MAPK8IP1: variants seen among roughly 807,000 people sequenced by gnomAD.
The protein encoded by MAPK8IP1 is mitogen-activated protein kinase 8 interacting protein 1, also known as C-Jun-amino-terminal kinase-interacting protein 1.
A neutral mutation model predicts 72.6 loss-of-function variants in MAPK8IP1; 17 were observed. The ratio of observed to expected loss-of-function variants is 0.23; its 90% CI spans 0.16 to 0.35. The LOEUF is 0.35. Ranked by LOEUF, MAPK8IP1 falls within the 10% of genes least tolerant of loss-of-function variation. The pLI, the probability that MAPK8IP1 is intolerant of heterozygous loss-of-function variation, is 1.00. For missense variants in MAPK8IP1, 789 were observed against 1,009.7 expected (o/e 0.78, Z 2.96); for synonymous variants, 401 against 443.4 (o/e 0.90, Z 1.20).
Position 45,902,454 on chromosome 11 carries a change from A to C in MAPK8IP1, c.687A>C (p.Arg229=), listed in dbSNP as rs1022027589. The change falls in exon 5 of 12, where the codon CGA becomes CGC. Residue 229 remains arginine (R), a synonymous_variant. Coordinates refer to ENST00000241014, the MANE Select transcript of MAPK8IP1 (RefSeq NM_005456.4). The surrounding 1 kb of genome is among the most constrained non-coding windows in gnomAD (Gnocchi z 9.3). The part of the protein sequence containing the change: ...PQSGPAPTTD[R]GTSTDSPCRR... ...GCGGCCCCGCCCCCACCACAGATCG[A>C]GGCACCTCCACCGACAGCCCTTGCC... The C allele has an allele frequency of 1.9e-6, 3 of 1,598,830 alleles. No homozygotes were observed. The African/African-American group carries it at 4.0e-5, about 21-fold the overall frequency.
chr11:45,885,850 A>AG lies in MAPK8IP1; in HGVS notation c.37dup (p.Ala13GlyfsTer26), dbSNP rs1565068597. On this transcript the variant is annotated frameshift_variant, in exon 1 of 12. Transcript: ENST00000241014. LOFTEE classifies it high-confidence loss of function. ...CGGAGCGAGAAAGCGGCGGCCTGGGAGGGGGGGCCGCGTCCCCGCCCGCCG... is the reference window on the plus strand; with the variant it reads ...CGGAGCGAGAAAGCGGCGGCCTGGGAGGGGGGGGCCGCGTCCCCGCCCGCCG... 6.9e-6 allele frequency: 10 copies of AG among 1,446,716 alleles called. No homozygotes were observed. Among genetic ancestry groups the AG allele is most frequent in the South Asian group, 2.7e-5 (2 of 72,890 alleles). 89.6% of individuals were successfully genotyped at this position (1,446,716 alleles called of 1,614,324 possible).
intron 2 of MAPK8IP1, among the ~76,000 whole-genome samples, chr11:45,899,557 G>C (rs2086633461): frequency 6.6e-6 from 1 of 152,202 alleles, no homozygotes; most frequent in South Asian, 2.1e-4. Flanking sequence ...GGCTCGTGGA[G>C]GACCGATCTA....
chr11:45,899,047 T>C (rs1248869716), intron 2 of MAPK8IP1, among the ~76,000 whole-genome samples: 1 of 152,148 alleles, frequency 6.6e-6, no homozygotes, highest in African/African-American at 2.4e-5. Flanking sequence ...AGGGAGTACC[T>C]GTCTCTGTGT....
Position 45,902,971 on chromosome 11 carries a change from G to A in MAPK8IP1, c.1204G>A (p.Asp402Asn), listed in dbSNP as rs201646781. Residue 402 changes from aspartate to asparagine, a missense_variant, in exon 5 of 12, where the codon GAC becomes AAC. Physicochemically the swap from Asp to Asn is conservative, Grantham distance 23. Around this residue, in one of 4 missense-constraint regions of MAPK8IP1, gnomAD observed 377 missense variants for 411.7 expected, o/e 0.92. Transcript: ENST00000241014. This position sits in a 1 kb window ranked among gnomAD's most constrained non-coding sequence, Gnocchi z 9.3. ...GGTGAGCCTGCGGCCGTGCTTCGGA[G>A]ACTACAGTGACGAGAGTGACTCTGC... Reference protein sequence around the residue: ...ELVSLRPCFGDYSDESDSATV... With the variant: ...ELVSLRPCFGNYSDESDSATV... 81 of 1,611,856 alleles carry A rather than the reference G, an allele frequency of 5.0e-5. No homozygotes were observed. The highest frequency in any genetic ancestry group is 6.3e-5 in the Non-Finnish European group (74 of 1,179,868).
intron 1 of MAPK8IP1, among the ~76,000 whole-genome samples, chr11:45,886,956 G>A (rs1036391423): frequency 1.3e-5 from 2 of 152,140 alleles, no homozygotes; most frequent in Non-Finnish European, 2.9e-5. Context: ...AGACCCCTGG[G>A]GATCTCTAAT....
chr11:45,887,982 G>A (rs2086540509), intron 1 of MAPK8IP1, among the ~76,000 whole-genome samples: 1 of 152,220 alleles, frequency 6.6e-6, no homozygotes, highest in Non-Finnish European at 1.5e-5. Flanking sequence ...AACTGGCCTG[G>A]GTTTGAATCC....
At chr11:45,901,787 G>T (rs554807851) in intron 3 of MAPK8IP1, 193 bp from the exon 4 acceptor site, 10 of 714,216 alleles carry the variant, frequency 1.4e-5, no homozygotes, top group Non-Finnish European at 2.6e-5. Context: ...ATCCAGAGCC[G>T]GCAAGCCTGG....
intron 1 of MAPK8IP1, among the ~76,000 whole-genome samples, chr11:45,894,412 G>T (rs1026304427): frequency 6.7e-6 from 1 of 148,354 alleles, no homozygotes; most frequent in Non-Finnish European, 1.5e-5. Context: ...TAGAGCCAGG[G>T]ATCAGGCATA....
At position 45,902,952 on chromosome 11, in the gene MAPK8IP1, C is replaced by G; in HGVS notation, c.1185C>G (p.Ser395Arg). The G allele has an allele frequency of 6.2e-7, 1 of 1,611,956 alleles. No homozygotes were observed. Among genetic ancestry groups the G allele is most frequent in the Non-Finnish European group, 8.5e-7 (1 of 1,179,798 alleles). The change falls in exon 5 of 12, where the codon AGC (serine) becomes AGG (arginine). Residue 395 changes from serine (S) to arginine (R), a missense_variant. Coordinates refer to ENST00000241014, the MANE Select transcript of MAPK8IP1 (RefSeq NM_005456.4). The surrounding 1 kb of genome is among the most constrained non-coding windows in gnomAD (Gnocchi z 9.3). ...VDEHAQLELV[S>R]LRPCFGDYSD... ...AGCATGCACAGCTGGAGCTGGTGAG[C>G]CTGCGGCCGTGCTTCGGAGACTACA...
intron 1 of MAPK8IP1, among the ~76,000 whole-genome samples, chr11:45,891,607 G>A (rs1048658960): frequency 2.0e-5 from 3 of 152,216 alleles, no homozygotes; most frequent in Non-Finnish European, 4.4e-5. Context: ...ATGAAAGTCT[G>A]TGAAGGACAG....
Position 45,900,925 on chromosome 11 carries a change from C to CA in MAPK8IP1, c.522+474dup, listed in dbSNP as rs1324432340. ...GTGGGGATGGGAAGCTCAGGGGCCA[C>CA]AGCCAGTTTAAGATCTGGGCAGCTG... On this transcript the variant is annotated intron_variant, in intron 3 of 11. Coordinates refer to ENST00000241014, the MANE Select transcript of MAPK8IP1 (RefSeq NM_005456.4). The surrounding 1 kb of genome is among the most constrained non-coding windows in gnomAD (Gnocchi z 6.5). Among the ~76,000 whole-genome samples, 2 of 152,008 alleles carry CA rather than the reference C, an allele frequency of 1.3e-5. No individual in the cohort carries two copies. Among genetic ancestry groups the CA allele is most frequent in the Non-Finnish European group, 2.9e-5 (2 of 68,004 alleles).
intron 11 of MAPK8IP1, 102 bp downstream of exon 11, chr11:45,905,351 G>A (rs550354217): frequency 6.2e-6 from 7 of 1,136,982 alleles, no homozygotes; most frequent in Admixed American, 5.8e-5. Flanking sequence ...GGTTTCCCCC[G>A]CAGCTCTGGA....
In MAPK8IP1 at chr11:45,903,310, C is replaced by A. The variant is rs370900142; in HGVS notation, c.1418-55C>A. The A allele has an allele frequency of 3.5e-5, 56 of 1,600,284 alleles. No homozygotes were observed. In the East Asian group the frequency reaches 8.5e-4, roughly 24 times the overall value. On this transcript the variant is annotated intron_variant, in intron 5 of 11. Transcript: ENST00000241014. This position sits in a 1 kb window ranked among gnomAD's most constrained non-coding sequence, Gnocchi z 6.4. ...AGGACTGAGGCTTCTACCTGCCCCG[C>A]TAAACCTGGATCAGAGCTGCGACCC...
In MAPK8IP1 at chr11:45,903,300, A is replaced by G; in HGVS notation, c.1418-65A>G. 6.3e-7 allele frequency: 1 copy of G among 1,592,280 alleles called. No homozygotes were observed. The highest frequency in any genetic ancestry group is 8.6e-7 in the Non-Finnish European group (1 of 1,163,676). On this transcript the variant is annotated intron_variant, in intron 5 of 11. Coordinates refer to ENST00000241014, the MANE Select transcript of MAPK8IP1 (RefSeq NM_005456.4). The surrounding 1 kb of genome is among the most constrained non-coding windows in gnomAD (Gnocchi z 6.4). ...CCATCTGGTTAGGACTGAGGCTTCT[A>G]CCTGCCCCGCTAAACCTGGATCAGA...
intron 1 of MAPK8IP1, among the ~76,000 whole-genome samples, chr11:45,892,490 C>A (rs1205927116): frequency 6.6e-6 from 1 of 150,970 alleles, no homozygotes; most frequent in Non-Finnish European, 1.5e-5. Context: ...GGGAGGCCAC[C>A]GCGGGCCGCA....
At position 45,900,254 on chromosome 11, in the gene MAPK8IP1, C is replaced by A; in HGVS notation, c.324C>A (p.Asp108Glu). Residue 108 changes from aspartate (D) to glutamate (E), a missense_variant, in exon 3 of 12, where the codon GAC becomes GAA. By Grantham distance (45) the Asp-to-Glu change is conservative. Transcript: ENST00000241014. This position sits in a 1 kb window ranked among gnomAD's most constrained non-coding sequence, Gnocchi z 6.5. Reference sequence around the variant, plus strand: ...CGGGGGACACTCCCGGGGCCGAGGACGACGAGGAGGACGACGACGAGGAGC... The same window carrying A: ...CGGGGGACACTCCCGGGGCCGAGGAAGACGAGGAGGACGACGACGAGGAGC... Reference protein sequence around the residue: ...DATGDTPGAEDDEEDDDEERA... With the variant: ...DATGDTPGAEEDEEDDDEERA... 6 of 1,332,626 alleles carry A rather than the reference C, an allele frequency of 4.5e-6. No homozygotes were observed. Among genetic ancestry groups the A allele is most frequent in the Non-Finnish European group, 5.7e-6 (6 of 1,047,980 alleles). 82.6% of individuals were successfully genotyped at this position (1,332,626 alleles called of 1,614,324 possible).
chr11:45,905,090 C>T, intron 10 of MAPK8IP1, 49 bp downstream of exon 10: 1 of 1,612,402 alleles, frequency 6.2e-7, no homozygotes, highest in Non-Finnish European at 8.5e-7. Flanking sequence ...GGTCTGCAGC[C>T]TTGAGGTGGG....
In MAPK8IP1 at chr11:45,900,498, T is replaced by C; in HGVS notation, c.522+46T>C. ...GCGGCGCCCTGGGCCGCCGCGGAGA[T>C]GTGAGGGGGAGCGCAGAGGGGCTGC... On this transcript the variant is annotated intron_variant, in intron 3 of 11. Transcript: ENST00000241014. The surrounding 1 kb of genome is among the most constrained non-coding windows in gnomAD (Gnocchi z 6.5). The C allele has an allele frequency of 6.6e-7, 1 of 1,522,698 alleles. No individual in the cohort carries two copies. Among genetic ancestry groups the C allele is most frequent in the South Asian group, 1.2e-5 (1 of 83,098 alleles). The allele number at this position is 1,522,698 out of a possible 1,614,324, so 94.3% of individuals were successfully genotyped here.
intron 1 of MAPK8IP1, 97 bp downstream of exon 1, chr11:45,886,018 G>A (rs2134662179): frequency 1.4e-6 from 1 of 713,946 alleles, no homozygotes; most frequent in East Asian, 3.4e-5. Context: ...TCGGGAACCC[G>A]GGAACGAAAG....
Sources: gnomAD v4.1 joint callset for allele counts (sites outside exome capture counted in the v4.1 genomes callset) on GRCh38, gnomAD v4.1.1 for gene constraint, gnomAD v4.1.1 regional missense constraint, Gnocchi (gnomAD v3.1) non-coding constraint, MANE v1.5 for transcripts, NCBI Gene and HGNC (gene_info 2026-07-23, HGNC 2026-07-21) for gene names.